THEMIS: variants seen among roughly 807,000 people sequenced by gnomAD.
The protein encoded by THEMIS is thymocyte selection associated.
In THEMIS, 37 loss-of-function variants were observed where a neutral mutation model predicts 52.6. That is an observed-to-expected ratio of 0.70 (90% CI 0.54 to 0.93). THEMIS has a LOEUF of 0.93. THEMIS is among the 40% of genes least tolerant of loss of function. The pLI is 0.00. For missense variants in THEMIS, 808 were observed against 763.1 expected (o/e 1.06, Z -0.69); for synonymous variants, 292 against 272.7 (o/e 1.07, Z -0.70).
chr6:127,877,968 T>G (rs1189810395), intron 1 of THEMIS, among the ~76,000 whole-genome samples: 1 of 152,218 alleles, frequency 6.6e-6, no homozygotes, highest in East Asian at 1.9e-4. Flanking sequence ...AGTTCTCATT[T>G]GAGATACACT....
At chr6:127,848,291 A>G (rs1222448757) in intron 2 of THEMIS, among the ~76,000 whole-genome samples, 1 of 151,928 alleles carries the variant, frequency 6.6e-6, no homozygotes, top group Non-Finnish European at 1.5e-5. Flanking sequence ...TCCATGGTGT[A>G]TATGTGCCAC....
downstream of THEMIS, among the ~76,000 whole-genome samples, chr6:127,705,339 A>G (rs981117291): frequency 6.6e-6 from 1 of 152,172 alleles, no homozygotes; most frequent in Non-Finnish European, 1.5e-5. Context: ...TGCACAATGG[A>G]CTCATGAGTG....
chr6:127,752,571 C>T (rs747035144), intron 4 of THEMIS, among the ~76,000 whole-genome samples: 58 of 151,540 alleles, frequency 3.8e-4, no homozygotes, highest in Non-Finnish European at 7.8e-4. Context: ...TTCCTAGAGA[C>T]ATCAAATTTA....
At chr6:127,763,531 C>A (rs924877184) in intron 4 of THEMIS, among the ~76,000 whole-genome samples, 2 of 151,884 alleles carry the variant, frequency 1.3e-5, no homozygotes, top group Admixed American at 1.3e-4. Flanking sequence ...AAAAAAAGGT[C>A]TTTGTCCTAG....
Position 127,841,103 on chromosome 6 carries a change from G to A in THEMIS, c.251-11169C>T, listed in dbSNP as rs573217560. 4.6e-5 allele frequency among the ~76,000 whole-genome samples: 7 copies of A among 152,138 alleles called. No homozygotes were observed. The East Asian group carries it at 1.2e-3, about 25-fold the overall frequency. ...CCCAAATATAAACTGTGAACTTTGAGTGAAGATGATGTGTCAATGAAGGTT... is the reference window on the plus strand; with the variant it reads ...CCCAAATATAAACTGTGAACTTTGAATGAAGATGATGTGTCAATGAAGGTT... On this transcript the variant is annotated intron_variant, in intron 2 of 5. Transcript: ENST00000368248.
At chr6:127,887,503 C>A (rs919138266) in intron 1 of THEMIS, among the ~76,000 whole-genome samples, 1 of 151,954 alleles carries the variant, frequency 6.6e-6, no homozygotes, top group South Asian at 2.1e-4. Flanking sequence ...TATATCCATA[C>A]AATAAAATAC....
intron 4 of THEMIS, among the ~76,000 whole-genome samples, chr6:127,754,495 A>G (rs1775753991): frequency 6.6e-6 from 1 of 152,160 alleles, no homozygotes; most frequent in Non-Finnish European, 1.5e-5. Context: ...TTCCTCTCAT[A>G]GTCACAAGAT....
At chr6:127,909,009 T>C (rs1781346145) in intron 1 of THEMIS, among the ~76,000 whole-genome samples, 1 of 151,760 alleles carries the variant, frequency 6.6e-6, no homozygotes, top group African/African-American at 2.4e-5. Context: ...AAATCAACTT[T>C]CCTTTTAGAT....
chr6:127,767,245 T>C (rs1776231530), intron 4 of THEMIS, among the ~76,000 whole-genome samples: 1 of 151,774 alleles, frequency 6.6e-6, no homozygotes, highest in Non-Finnish European at 1.5e-5. Flanking sequence ...ATGTGCACCA[T>C]CACACTCAGC....
chr6:127,909,762 A>G (rs1052101265), intron 1 of THEMIS: 2 of 152,142 alleles, frequency 1.3e-5, no homozygotes, highest in African/African-American at 4.8e-5. Flanking sequence ...ATACACACAC[A>G]AAGGAGAATG....
In THEMIS at chr6:127,812,977, G is replaced by A. The variant is rs779371436; in HGVS notation, c.1664C>T (p.Pro555Leu). The stretch of plus-strand genomic sequence containing the variant: ...TACTGAGGGGTGTTTCGGAGGGCGA[G>A]GTGGGGGATGTGAGGCTGAGCTTTC... ...RYESSASHPP[P>L]RPPKHPSVEE... The change falls in exon 4 of 6, where the codon CCT becomes CTT. Residue 555 changes from proline to leucine, a missense_variant. Pro to Leu is a moderately conservative substitution (Grantham distance 98). Coordinates refer to ENST00000368248, the MANE Select transcript of THEMIS (RefSeq NM_001010923.3). The A allele has an allele frequency of 6.2e-7, 1 of 1,614,072 alleles. No individual in the cohort carries two copies. The highest frequency in any genetic ancestry group is 8.5e-7 in the Non-Finnish European group (1 of 1,179,990).
intron 4 of THEMIS, among the ~76,000 whole-genome samples, chr6:127,778,251 A>T (rs760403743): frequency 3.3e-5 from 5 of 152,138 alleles, no homozygotes; most frequent in Non-Finnish European, 7.4e-5. Flanking sequence ...ATGCCTTCTG[A>T]CAATCTTCCC....
intron 2 of THEMIS, among the ~76,000 whole-genome samples, chr6:127,839,190 T>G (rs1778964495): frequency 6.6e-6 from 1 of 152,056 alleles, no homozygotes; most frequent in South Asian, 2.1e-4. Context: ...GTAATTGATA[T>G]ATTTATAATA....
At chr6:127,850,371 C>A (rs891459647) in intron 2 of THEMIS, among the ~76,000 whole-genome samples, 18 of 151,528 alleles carry the variant, frequency 1.2e-4, no homozygotes, top group Middle Eastern at 3.2e-3. Flanking sequence ...AACAATCTGG[C>A]AATTCCATTA....
chr6:127,769,650 T>C (rs1351923352), intron 4 of THEMIS, among the ~76,000 whole-genome samples: 2 of 152,284 alleles, frequency 1.3e-5, no homozygotes, highest in Middle Eastern at 3.4e-3. Context: ...ATATTTATAC[T>C]TTAAATTCTA....
At position 127,779,177 on chromosome 6, in the gene THEMIS, G is replaced by C. The variant is rs149739818; in HGVS notation, c.1758+33706C>G. On this transcript the variant is annotated intron_variant, in intron 4 of 5. Transcript: ENST00000368248. ...CAGGGTTCAACGTGTTCCTCTAAGT[G>C]CCTGATCTCACTTACTTTTGACTTT... 3.0e-3 allele frequency among the ~76,000 whole-genome samples: 456 copies of C among 152,192 alleles called. 1 individual carries two copies. Among genetic ancestry groups the C allele is most frequent in the African/African-American group, 0.01 (429 of 41,554 alleles).
intron 1 of THEMIS, among the ~76,000 whole-genome samples, chr6:127,886,706 A>C (rs270018): frequency 0.53 from 81,052 of 151,902 alleles, 22,603 homozygotes; most frequent in East Asian, 0.8. Flanking sequence ...CTACTTTGTA[A>C]ATGTTGTCAC....
chr6:127,904,872 A>C (rs2114515381), upstream of THEMIS, among the ~76,000 whole-genome samples: 1 of 152,242 alleles, frequency 6.6e-6, no homozygotes, highest in Non-Finnish European at 1.5e-5. Flanking sequence ...TGGTTTTAAC[A>C]GCAAATGGGA....
At chr6:127,753,305 A>G (rs1775710786) in intron 4 of THEMIS, among the ~76,000 whole-genome samples, 1 of 152,050 alleles carries the variant, frequency 6.6e-6, no homozygotes, top group Non-Finnish European at 1.5e-5. Context: ...AAATAAATTC[A>G]GTAAATACGT....
Sources: gnomAD v4.1 joint callset for allele counts (sites outside exome capture counted in the v4.1 genomes callset) on GRCh38, gnomAD v4.1.1 for gene constraint, MANE v1.5 for transcripts, NCBI Gene and HGNC (gene_info 2026-07-23, HGNC 2026-07-21) for gene names.